The following ZIM3 variants were observed in gnomAD, a reference collection of about 807,000 sequenced individuals.
ZIM3 encodes zinc finger protein 657.
In ZIM3, 11 loss-of-function variants were observed where a neutral mutation model predicts 12.9. The observed-to-expected ratio is 0.85, with a 90% CI of 0.54 to 1.41. The LOEUF is 1.41. Ranked by LOEUF, ZIM3 falls within the 40% of genes most tolerant of loss-of-function variation. The probability of loss-of-function intolerance (pLI) is 0.00; values close to 1 mark genes in which losing one functional copy is unlikely to be tolerated. For synonymous variants in ZIM3, 205 were observed against 198.5 expected, an observed-to-expected ratio of 1.03 and a Z score of -0.28; for missense variants, 604 against 557.2, an observed-to-expected ratio of 1.08 and a Z score of -0.85.
At chr19:57,143,343 AAAG>A (rs1568460153) in intron 1 of ZIM3, among the ~76,000 whole-genome samples, 1 of 127,304 alleles carries the variant, frequency 7.9e-6, no homozygotes, top group Non-Finnish European at 1.6e-5. Context: ...AAAAAAAAAA[AAAG>A]AGAGAGAGAG....
chr19:57,144,675 T>A (rs1423770551), intron 1 of ZIM3, among the ~76,000 whole-genome samples, 184 bp downstream of exon 1: 1 of 152,018 alleles, frequency 6.6e-6, no homozygotes, highest in Non-Finnish European at 1.5e-5. Flanking sequence ...TAATTTTGAG[T>A]GTCCTGGGAG....
In ZIM3 at chr19:57,142,482, G is replaced by A. The variant is rs544387318; in HGVS notation, c.15+147C>T. 3.8e-3 allele frequency: 3,177 copies of A among 828,798 alleles called. 17 individuals carry two copies. The highest frequency in any genetic ancestry group is 4.0e-3 in the Non-Finnish European group (2,106 of 522,002). 51.3% of individuals were successfully genotyped at this position (828,798 alleles called of 1,614,324 possible). On this transcript the variant is annotated intron_variant, in intron 2 of 4. Transcript: ENST00000269834. ...ATGTTTCAGCTTTAATAGGAAAGCA[G>A]AAAGTAGAGTGTGTGTTACCTTTTA...
At chr19:57,138,394 C>T (rs2086899410) in intron 3 of ZIM3, 78 bp downstream of exon 3, 15 of 1,604,720 alleles carry the variant, frequency 9.3e-6, no homozygotes, top group Non-Finnish European at 1.3e-5. Context: ...TGTGCCAACC[C>T]TATTTGGCCA....
Position 57,142,546 on chromosome 19 carries a change from G to C in ZIM3, c.15+83C>G, listed in dbSNP as rs193049882. The C allele has an allele frequency of 8.6e-4, 1,259 of 1,458,654 alleles. 1 individual carries two copies. The highest frequency in any genetic ancestry group is 2.4e-3 in the Admixed American group (139 of 56,990). The allele number at this position is 1,458,654 out of a possible 1,614,324, so 90.4% of individuals were successfully genotyped here. ...AGGAAGGAGGAAAATATGCCAAAAG[G>C]TTAGCACAGTTAATTCTGAGCAAGA... is the stretch of plus-strand genomic sequence containing the variant. On this transcript the variant is annotated intron_variant, in intron 2 of 4. Transcript: ENST00000269834.
rs908708314 is a variant in ZIM3 at position 57,134,728 on chromosome 19, A to G, written c.*190T>C. On this transcript the variant is annotated 3_prime_UTR_variant, in exon 5 of 5. Transcript: ENST00000269834. ...GTTCCTGGTACACAAAAGGCATCTAATAAATATTTATACTTAATAAACATT... is the reference window on the plus strand; with the variant it reads ...GTTCCTGGTACACAAAAGGCATCTAGTAAATATTTATACTTAATAAACATT... 16 of 576,650 alleles carry G rather than the reference A, an allele frequency of 2.8e-5. No homozygotes were observed. The highest frequency in any genetic ancestry group is 2.0e-4 in the African/African-American group (11 of 53,746). 35.7% of individuals were successfully genotyped at this position (576,650 alleles called of 1,614,324 possible).
At chr19:57,138,748 C>A in intron 2 of ZIM3, 150 bp from the exon 3 acceptor site, 2 of 1,053,270 alleles carry the variant, frequency 1.9e-6, no homozygotes, top group Non-Finnish European at 2.7e-6. Flanking sequence ...AGGATCTTGC[C>A]AATGAGCCAT....
chr19:57,141,419 A>C (rs111555113), intron 2 of ZIM3, among the ~76,000 whole-genome samples: 1,464 of 133,946 alleles, frequency 0.011, 27 homozygotes, highest in African/African-American at 0.036. Flanking sequence ...AAAAAAAAAA[A>C]AACAACAAAA....
intron 3 of ZIM3, among the ~76,000 whole-genome samples, chr19:57,137,251 G>A (rs546532892): frequency 2.6e-5 from 4 of 152,198 alleles, no homozygotes; most frequent in East Asian, 3.9e-4. Context: ...TTGGGAGGCC[G>A]AGATAGGAGA....
chr19:57,135,017 G>A lies in ZIM3; in HGVS notation c.1320C>T (p.Thr440=). Residue 440 remains threonine, a synonymous_variant, in exon 5 of 5, where the codon ACC becomes ACT. Transcript: ENST00000269834. The stretch of plus-strand genomic sequence containing the variant: ...ATCCATAAGGTTTTTGTCCAGTATG[G>A]GTTTTTTTATGCAAACTAAGGTTTA... ...RKLNLSLHKK[T]HTGQKPYGCS... is the part of the protein sequence containing the mutation. 6.2e-7 allele frequency: 1 copy of A among 1,614,014 alleles called. No homozygotes were observed.
chr19:57,135,311 C>G lies in ZIM3; in HGVS notation c.1026G>C (p.Lys342Asn), dbSNP rs763247874. 5 of 1,614,078 alleles carry G rather than the reference C, an allele frequency of 3.1e-6. No individual in the cohort carries two copies. The Admixed American group carries it at 5.0e-5, about 16-fold the overall frequency. Reference sequence around the variant, plus strand: ...TGACATTGGATTTCTGGGAAAAGGCCTTCTCACATATGCTACATTTATAGG... The same window carrying G: ...TGACATTGGATTTCTGGGAAAAGGCGTTCTCACATATGCTACATTTATAGG... ...EKPYKCSICE[K>N]AFSQKSNVID... Residue 342 changes from lysine to asparagine, a missense_variant, in exon 5 of 5, where the codon AAG (lysine) becomes AAC (asparagine). Transcript: ENST00000269834.
Position 57,136,105 on chromosome 19 carries a change from A to C in ZIM3, c.242-10T>G, listed in dbSNP as rs199823360. 1.2e-4 allele frequency: 189 copies of C among 1,595,436 alleles called. No individual in the cohort carries two copies. Among genetic ancestry groups the C allele is most frequent in the Non-Finnish European group, 1.5e-4 (181 of 1,171,464 alleles). On this transcript the variant is annotated splice_polypyrimidine_tract_variant and intron_variant, in intron 4 of 4. Coordinates refer to ENST00000269834, the MANE Select transcript of ZIM3 (RefSeq NM_052882.1). ...ATGTCCCCATTTTTTTCTAAAATGG[A>C]ATACAAAAAAATGTCCTGTGTAAAA...
intron 2 of ZIM3, among the ~76,000 whole-genome samples, chr19:57,141,294 A>G (rs1599923771): frequency 1.3e-5 from 2 of 150,614 alleles, no homozygotes. Flanking sequence ...CCAGCTGCTC[A>G]GGAGGTTGAG....
intron 2 of ZIM3, among the ~76,000 whole-genome samples, chr19:57,142,224 G>T (rs1303592099): frequency 2.7e-5 from 4 of 146,036 alleles, no homozygotes; most frequent in Non-Finnish European, 5.9e-5. Context: ...GCTCACTGCA[G>T]CCTCAACCTC....
At chr19:57,143,693 T>C (rs1398208476) in intron 1 of ZIM3, among the ~76,000 whole-genome samples, 2 of 137,694 alleles carry the variant, frequency 1.5e-5, no homozygotes, top group Non-Finnish European at 3.2e-5. Context: ...TTTTTTTTTT[T>C]AAGACCAAGT....
At chr19:57,143,318 G>A (rs954552270) in intron 1 of ZIM3, among the ~76,000 whole-genome samples, 66 of 147,822 alleles carry the variant, frequency 4.5e-4, no homozygotes, top group African/African-American at 1.2e-3. Context: ...GCGACAGAGC[G>A]AGACTCCGTC....
chr19:57,136,204 T>C (rs1323795890), intron 4 of ZIM3, 109 bp from the exon 5 acceptor site: 10 of 1,049,198 alleles, frequency 9.5e-6, no homozygotes, highest in Admixed American at 2.4e-5. Flanking sequence ...TCAAACCTAA[T>C]GTCTACGAGA....
intron 2 of ZIM3, among the ~76,000 whole-genome samples, chr19:57,140,965 T>A (rs2086910906): frequency 6.6e-6 from 1 of 152,198 alleles, no homozygotes; most frequent in African/African-American, 2.4e-5. Context: ...TTGTTTCAAA[T>A]ACACACCGAA....
At position 57,135,491 on chromosome 19, in the gene ZIM3, A is replaced by G. The variant is rs370677957; in HGVS notation, c.846T>C (p.Asn282=). Residue 282 remains asparagine, a synonymous_variant, in exon 5 of 5, where the codon AAT becomes AAC. Coordinates refer to ENST00000269834, the MANE Select transcript of ZIM3 (RefSeq NM_052882.1). ...TCTGCCTGAAGGATTTCTCACATTCATTACACTGATAGGATTTCTTGGCAT... is the reference window on the plus strand; with the variant it reads ...TCTGCCTGAAGGATTTCTCACATTCGTTACACTGATAGGATTTCTTGGCAT... ...IHNAKKSYQC[N]ECEKSFRQNS... is the part of the protein sequence containing the mutation. 11 of 1,614,028 alleles carry G rather than the reference A, an allele frequency of 6.8e-6. No homozygotes were observed. The African/African-American group carries it at 9.3e-5, about 14-fold the overall frequency.
Position 57,135,418 on chromosome 19 carries a change from AG to A in ZIM3, c.918del (p.Gln308AsnfsTer16). On this transcript the variant is annotated frameshift_variant, in exon 5 of 5. Transcript: ENST00000269834. LOFTEE classifies it low-confidence loss of function (END_TRUNC). ...QHKKVHTGQKPFQCTDCGKAF... is the reference protein window; with the variant it reads ...QHKKVHTGQKXFQCTDCGKAF... Reference sequence around the variant, plus strand: ...GCCTTTCCACAGTCCGTACATTGAAAGGGTTTTTGTCCAGTGTGAACTTTTT... The same window carrying A: ...GCCTTTCCACAGTCCGTACATTGAAAGGTTTTTGTCCAGTGTGAACTTTTT... The A allele has an allele frequency of 6.2e-7, 1 of 1,614,150 alleles. No individual in the cohort carries two copies.
Sources: gnomAD v4.1 joint callset for allele counts (sites outside exome capture counted in the v4.1 genomes callset) on GRCh38, gnomAD v4.1.1 for gene constraint, MANE v1.5 for transcripts, NCBI Gene and HGNC (gene_info 2026-07-23, HGNC 2026-07-21) for gene names.